GRIK1: variants seen among roughly 807,000 people sequenced by gnomAD.
GRIK1 encodes glutamate ionotropic receptor kainate type subunit 1.
In GRIK1, 69 loss-of-function variants were observed where a neutral mutation model predicts 105.7. That is an observed-to-expected ratio of 0.65 (90% CI 0.54 to 0.80). GRIK1 has a LOEUF of 0.80. Among genes scored for constraint, GRIK1 ranks in the 30% least tolerant of loss-of-function variants. The pLI, the probability that GRIK1 is intolerant of heterozygous loss-of-function variation, is 0.00. For missense variants in GRIK1, 1,109 were observed against 1,167.3 expected, an observed-to-expected ratio of 0.95 and a Z score of 0.73; for synonymous variants, 438 against 431.3, an observed-to-expected ratio of 1.02 and a Z score of -0.19.
At chr21:29,560,369 C>CTT (rs55681044) in intron 15 of GRIK1, among the ~76,000 whole-genome samples, 13 of 22,992 alleles carry the variant, frequency 5.7e-4, no homozygotes, top group Admixed American at 1.8e-3. Context: ...TTCTTTCTTC[C>CTT]TTCCTTCCTT....
intron 1 of GRIK1, among the ~76,000 whole-genome samples, chr21:29,812,988 G>A (rs1308683318): frequency 6.6e-6 from 1 of 152,126 alleles, no homozygotes; most frequent in Non-Finnish European, 1.5e-5. Flanking sequence ...CTGGGTACAG[G>A]AGACGTTGCA....
intron 10 of GRIK1, 102 bp from the exon 11 acceptor site, chr21:29,589,144 G>A: frequency 1.4e-6 from 1 of 691,870 alleles, no homozygotes; most frequent in Non-Finnish European, 2.5e-6. Context: ...TGATTTTGAA[G>A]AGCTGAGAGT....
intron 4 of GRIK1, among the ~76,000 whole-genome samples, chr21:29,667,486 C>T (rs893860787): frequency 6.6e-6 from 1 of 152,068 alleles, no homozygotes; most frequent in Non-Finnish European, 1.5e-5. Flanking sequence ...AAAGCAAAAG[C>T]ATGCAAATGT....
intron 9 of GRIK1, chr21:29,596,051 T>C: frequency 3.9e-6 from 1 of 253,804 alleles, no homozygotes; most frequent in Non-Finnish European, 7.7e-6. Flanking sequence ...AAAGGAAATT[T>C]CTGAAAATGG....
chr21:29,801,580 T>TA (rs1024340354), intron 1 of GRIK1, among the ~76,000 whole-genome samples: 2 of 151,988 alleles, frequency 1.3e-5, no homozygotes, highest in African/African-American at 2.4e-5. Flanking sequence ...CGGAAATTAG[T>TA]AAAAAAAGAT....
At position 29,690,003 on chromosome 21, in the gene GRIK1, G is replaced by T; in HGVS notation, c.287-18C>A. ...GTCACATGCTGATGCCCAAGGACAA[G>T]GAGAGGATGGGGAGGGAGGGCAGGG... is the stretch of plus-strand genomic sequence containing the variant. On this transcript the variant is annotated intron_variant, in intron 2 of 17. Coordinates refer to ENST00000327783, the MANE Select transcript of GRIK1 (RefSeq NM_001330994.2). 1 of 1,600,512 alleles carries T rather than the reference G, an allele frequency of 6.2e-7. No individual in the cohort carries two copies. The highest frequency in any genetic ancestry group is 8.6e-7 in the Non-Finnish European group (1 of 1,169,480).
At chr21:29,815,741 C>G (rs935654557) in intron 1 of GRIK1, among the ~76,000 whole-genome samples, 3 of 152,012 alleles carry the variant, frequency 2.0e-5, no homozygotes, top group Non-Finnish European at 4.4e-5. Flanking sequence ...ATTAAAAATA[C>G]TCAACAACTA....
In GRIK1 at chr21:29,553,725, GA is replaced by G. The variant is rs770975538; in HGVS notation, c.2607+1326del. 1.8e-5 allele frequency: 27 copies of G among 1,465,366 alleles called. No individual in the cohort carries two copies. In the East Asian group the frequency reaches 3.8e-4, roughly 21 times the overall value. 90.8% of individuals were successfully genotyped at this position (1,465,366 alleles called of 1,614,324 possible). On this transcript the variant is annotated intron_variant, in intron 16 of 17. Coordinates refer to ENST00000327783, the MANE Select transcript of GRIK1 (RefSeq NM_001330994.2). ...AAAGCCTTGCATGCAAAAGAAATGA[GA>G]AAAAAATATAGAAAAATGAATAAAT...
At chr21:29,864,002 A>G (rs75412989) in intron 1 of GRIK1, among the ~76,000 whole-genome samples, 1,922 of 152,220 alleles carry the variant, frequency 0.013, 37 homozygotes, top group African/African-American at 0.044. Context: ...TAGGTCTGCC[A>G]TATCGTGAAA....
chr21:29,814,893 C>T (rs895480708), intron 1 of GRIK1, among the ~76,000 whole-genome samples: 1 of 152,098 alleles, frequency 6.6e-6, no homozygotes, highest in Non-Finnish European at 1.5e-5. Flanking sequence ...ACCAGAAAGT[C>T]TTGTTTCAAA....
chr21:29,709,894 T>C (rs1352398764), intron 1 of GRIK1, among the ~76,000 whole-genome samples: 1 of 147,038 alleles, frequency 6.8e-6, no homozygotes, highest in Non-Finnish European at 1.5e-5. Flanking sequence ...AAATATTCAT[T>C]ATTTCTGTTT....
intron 1 of GRIK1, among the ~76,000 whole-genome samples, chr21:29,859,379 T>A (rs944166865): frequency 1.4e-5 from 2 of 147,448 alleles, no homozygotes; most frequent in Admixed American, 1.4e-4. Flanking sequence ...TATATATATA[T>A]AAAATAAAAT....
intron 16 of GRIK1, among the ~76,000 whole-genome samples, chr21:29,549,134 C>T (rs2090090021): frequency 6.6e-6 from 1 of 152,150 alleles, no homozygotes; most frequent in Non-Finnish European, 1.5e-5. Context: ...GCCACTTGTT[C>T]AATCTTTTAA....
At chr21:29,857,749 A>C (rs751776417) in intron 1 of GRIK1, among the ~76,000 whole-genome samples, 5 of 152,214 alleles carry the variant, frequency 3.3e-5, no homozygotes, top group Non-Finnish European at 5.9e-5. Flanking sequence ...CTCTGATTAT[A>C]TATTTACATT....
intron 3 of GRIK1, among the ~76,000 whole-genome samples, chr21:29,673,907 T>C (rs2063208029): frequency 6.6e-6 from 1 of 152,220 alleles, no homozygotes; most frequent in Non-Finnish European, 1.5e-5. Flanking sequence ...GGTGTGGATG[T>C]ACTGATCTGC....
chr21:29,924,105 C>T (rs552283678), intron 1 of GRIK1, among the ~76,000 whole-genome samples: 21 of 151,990 alleles, frequency 1.4e-4, no homozygotes, highest in African/African-American at 4.8e-4. Context: ...TTTGGGAGGC[C>T]GAGATGAGTG....
intron 4 of GRIK1, among the ~76,000 whole-genome samples, chr21:29,663,112 G>T (rs363564): frequency 0.19 from 29,011 of 152,126 alleles, 2,929 homozygotes; most frequent in African/African-American, 0.27. Flanking sequence ...AGATTTTAGA[G>T]ATAAAGCATA....
chr21:29,901,984 G>T (rs1156488917), intron 1 of GRIK1, among the ~76,000 whole-genome samples: 1 of 152,164 alleles, frequency 6.6e-6, no homozygotes, highest in Admixed American at 6.5e-5. Flanking sequence ...ATGCAAGGCT[G>T]GTTCAACATA....
intron 1 of GRIK1, among the ~76,000 whole-genome samples, chr21:29,694,709 C>T (rs919725533): frequency 6.6e-6 from 1 of 152,116 alleles, no homozygotes; most frequent in Admixed American, 6.5e-5. Flanking sequence ...GCACCATGCT[C>T]GATCTAAACA....
Sources: gnomAD v4.1 joint callset for allele counts (sites outside exome capture counted in the v4.1 genomes callset) on GRCh38, gnomAD v4.1.1 for gene constraint, MANE v1.5 for transcripts, NCBI Gene and HGNC (gene_info 2026-07-23, HGNC 2026-07-21) for gene names.